Variants in RXRG observed in about 807,000 individuals in gnomAD.
The protein encoded by RXRG is retinoid X receptor gamma.
Under a neutral mutation model 49.2 loss-of-function variants are expected in RXRG, and 19 were observed. The observed-to-expected ratio is 0.39, with a 90% CI of 0.27 to 0.57. The LOEUF is 0.57. Among genes scored for constraint, RXRG ranks in the 20% least tolerant of loss-of-function variants. The pLI, the probability that RXRG is intolerant of heterozygous loss-of-function variation, is 0.64. For synonymous variants in RXRG, 224 were observed against 216.6 expected, an observed-to-expected ratio of 1.03 and a Z score of -0.30; for missense variants, 452 against 592.5, an observed-to-expected ratio of 0.76 and a Z score of 2.46.
intron 4 of RXRG, among the ~76,000 whole-genome samples, chr1:165,415,166 G>C (rs1658086134): frequency 6.6e-6 from 1 of 152,024 alleles, no homozygotes; most frequent in Admixed American, 6.6e-5. Context: ...ATTGGGTAAA[G>C]ATACGAAGGA....
At chr1:165,437,265 T>A in intron 1 of RXRG, 1 of 1,349,732 alleles carries the variant, frequency 7.4e-7, no homozygotes. Flanking sequence ...TCTGCTTGTA[T>A]ATGGGCTGTG....
Position 165,424,778 on chromosome 1 carries a change from G to T in RXRG, c.297+3941C>A. ...GAGAACCAGGTCACAGAATGAACATGCTTCCATCATGAATCCCTCTCAGAC... is the reference window on the plus strand; with the variant it reads ...GAGAACCAGGTCACAGAATGAACATTCTTCCATCATGAATCCCTCTCAGAC... On this transcript the variant is annotated intron_variant, in intron 2 of 9. Coordinates refer to ENST00000359842, the MANE Select transcript of RXRG (RefSeq NM_006917.5). The T allele has an allele frequency of 3.0e-6, 3 of 985,458 alleles. No homozygotes were observed. In the South Asian group the frequency reaches 1.4e-4, roughly 46 times the overall value. 61.0% of individuals were successfully genotyped at this position (985,458 alleles called of 1,614,324 possible). A position where few individuals can be genotyped will look rare whatever the true frequency, so the allele number is the denominator to read the frequency against.
intron 1 of RXRG, among the ~76,000 whole-genome samples, chr1:165,434,272 A>ATGTGTGTGTGTGTG (rs1491272318): frequency 0.038 from 2,540 of 66,690 alleles, 60 homozygotes; most frequent in African/African-American, 0.06. Flanking sequence ...AATGAATTGC[A>ATGTGTGTGTGTGTG]TGTGTGTATG....
intron 1 of RXRG, among the ~76,000 whole-genome samples, chr1:165,433,798 C>T (rs535850526): frequency 7.4e-4 from 113 of 152,324 alleles, no homozygotes; most frequent in African/African-American, 2.7e-3. Flanking sequence ...AGGGGTACCT[C>T]CCACCATCAA....
At chr1:165,434,670 G>A (rs1658775116) in intron 1 of RXRG, among the ~76,000 whole-genome samples, 1 of 152,204 alleles carries the variant, frequency 6.6e-6, no homozygotes, top group Non-Finnish European at 1.5e-5. Context: ...AGTCACGGGA[G>A]CACCATGGGG....
At chr1:165,417,255 C>G in intron 3 of RXRG, 35 bp from the exon 4 acceptor site, 6 of 1,554,948 alleles carry the variant, frequency 3.9e-6, no homozygotes, top group Admixed American at 1.9e-5. Context: ...ATAGATTGTT[C>G]TTGTGTTTAT....
chr1:165,422,059 G>A (rs1360963298), intron 2 of RXRG, among the ~76,000 whole-genome samples: 2 of 152,092 alleles, frequency 1.3e-5, no homozygotes, highest in African/African-American at 4.8e-5. Context: ...AGAGGGACAA[G>A]AAAAGTCATG....
At chr1:165,425,025 A>G in intron 2 of RXRG, 2 of 938,504 alleles carry the variant, frequency 2.1e-6, no homozygotes, top group South Asian at 4.9e-5. Flanking sequence ...TAGCTCCCCA[A>G]AGCCAAACTT....
At chr1:165,415,201 C>T (rs560203368) in intron 4 of RXRG, among the ~76,000 whole-genome samples, 1 of 152,064 alleles carries the variant, frequency 6.6e-6, no homozygotes, top group East Asian at 1.9e-4. Context: ...CCATCAGATA[C>T]CTGAAAAAAA....
rs759787868 is a variant in RXRG at position 165,411,082 on chromosome 1, C to T, written c.650G>A (p.Arg217Gln). 1.3e-5 allele frequency: 21 copies of T among 1,613,936 alleles called. No individual in the cohort carries two copies. The highest frequency in any genetic ancestry group is 2.7e-5 in the African/African-American group (2 of 74,932). Residue 217 changes from arginine to glutamine, a missense_variant, in exon 5 of 10, where the codon CGA becomes CAA. By Grantham distance (43) the Arg-to-Gln change is conservative (BLOSUM62 1). Coordinates refer to ENST00000359842, the MANE Select transcript of RXRG (RefSeq NM_006917.5). ...TTCTGCCTCACTCTCAGCTCGCTCT[C>T]GGCTCCTCTGTCTTTCTTCTTGCAC... ...EAVQEERQRS[R>Q]ERAESEAECA...
In RXRG at chr1:165,428,945, G is replaced by A. The variant is rs1345201622; in HGVS notation, c.71C>T (p.Ser24Phe). The change falls in exon 2 of 10, where the codon TCT becomes TTT. Residue 24 changes from serine (S) to phenylalanine (F), a missense_variant. Ser to Phe is a radical substitution (Grantham distance 155). This residue lies in a region of RXRG where 166 missense variants were observed against 151.7 expected (regional missense o/e 1.09). Transcript: ENST00000359842. ...GYGGSPGHTG[S>F]TSMSPSAALS... Reference sequence around the variant, plus strand: ...GGCTGCTGATGGGCTCATGGATGTAGAGCCAGTGTGGCCAGGGGAGCCTGT... The same window carrying A: ...GGCTGCTGATGGGCTCATGGATGTAAAGCCAGTGTGGCCAGGGGAGCCTGT... 1 of 1,613,216 alleles carries A rather than the reference G, an allele frequency of 6.2e-7. No individual in the cohort carries two copies. Among genetic ancestry groups the A allele is most frequent in the African/African-American group, 1.3e-5 (1 of 74,910 alleles).
At chr1:165,407,105 G>A (rs2101705673) in intron 8 of RXRG, among the ~76,000 whole-genome samples, 188 bp from the exon 9 acceptor site, 1 of 152,180 alleles carries the variant, frequency 6.6e-6, no homozygotes, top group South Asian at 2.1e-4. Flanking sequence ...ACAAACTCTT[G>A]GGGCAAAGAT....
At chr1:165,423,838 T>A (rs981237011) in intron 2 of RXRG, among the ~76,000 whole-genome samples, 2 of 152,222 alleles carry the variant, frequency 1.3e-5, no homozygotes, top group Non-Finnish European at 2.9e-5. Context: ...CTTAATTTTT[T>A]AAAATCATCA....
At chr1:165,420,480 C>A (rs995680860) in intron 2 of RXRG, among the ~76,000 whole-genome samples, 3 of 152,170 alleles carry the variant, frequency 2.0e-5, no homozygotes, top group Admixed American at 6.5e-5. Context: ...ATTAGTCAAT[C>A]AACAGATATT....
chr1:165,417,031 T>C lies in RXRG; in HGVS notation c.622+10A>G, dbSNP rs1334593097. 1.2e-6 allele frequency: 2 copies of C among 1,607,542 alleles called. No individual in the cohort carries two copies. The highest frequency in any genetic ancestry group is 2.2e-5 in the East Asian group (1 of 44,704). ...TCCGGACACGAGTTTTGGAACTGAA[T>C]GTGTCTCACCTTCCCTCTTCATGCC... On this transcript the variant is annotated intron_variant, in intron 4 of 9. Coordinates refer to ENST00000359842, the MANE Select transcript of RXRG (RefSeq NM_006917.5).
At chr1:165,411,976 A>AT (rs1184654081) in intron 4 of RXRG, among the ~76,000 whole-genome samples, 1 of 152,130 alleles carries the variant, frequency 6.6e-6, no homozygotes, top group Non-Finnish European at 1.5e-5. Context: ...ATTAGAACAC[A>AT]TTTTTTACAT....
At chr1:165,408,517 A>C (rs750960939) in intron 7 of RXRG, among the ~76,000 whole-genome samples, 199 bp from the exon 8 acceptor site, 5 of 152,228 alleles carry the variant, frequency 3.3e-5, no homozygotes, top group Non-Finnish European at 5.9e-5. Context: ...GACATTAAAA[A>C]CTAGCAGCAG....
At chr1:165,406,329 C>T (rs752388053) in intron 9 of RXRG, among the ~76,000 whole-genome samples, 5 of 152,216 alleles carry the variant, frequency 3.3e-5, no homozygotes, top group Non-Finnish European at 7.3e-5. Flanking sequence ...CTTCTGGCTG[C>T]CAAAGCCTGT....
At chr1:165,404,602 A>G (rs1266755028) in intron 9 of RXRG, among the ~76,000 whole-genome samples, 1 of 152,240 alleles carries the variant, frequency 6.6e-6, no homozygotes, top group Non-Finnish European at 1.5e-5. Context: ...ATAATACACC[A>G]AACTGTATAA....
Sources: gnomAD v4.1 joint callset for allele counts (sites outside exome capture counted in the v4.1 genomes callset) on GRCh38, gnomAD v4.1.1 for gene constraint, gnomAD v4.1.1 regional missense constraint, MANE v1.5 for transcripts, NCBI Gene and HGNC (gene_info 2026-07-23, HGNC 2026-07-21) for gene names.